Variants in KRTAP11-1 observed in about 807,000 individuals in gnomAD.
The protein encoded by KRTAP11-1 is keratin associated protein 11-1.
KRTAP11-1 carries 17 observed loss-of-function variants against 13.9 expected under a neutral mutation model. The ratio of observed to expected loss-of-function variants is 1.23; its 90% CI spans 0.84 to 1.84. KRTAP11-1 has a LOEUF of 1.84. Among genes scored for constraint, KRTAP11-1 ranks in the 40% most tolerant of loss-of-function variants. The probability of loss-of-function intolerance (pLI) is 0.00; values close to 1 mark genes in which losing one functional copy is unlikely to be tolerated. For missense variants in KRTAP11-1, 181 were observed against 200.9 expected (o/e 0.90, Z 0.60); for synonymous variants, 69 against 81.6 (o/e 0.85, Z 0.84).
At position 30,881,300 on chromosome 21, in the gene KRTAP11-1, T is replaced by C. The variant is rs764051034; in HGVS notation, c.225A>G (p.Ser75=). 1.9e-6 allele frequency: 3 copies of C among 1,614,084 alleles called. No individual in the cohort carries two copies. In the South Asian group the frequency reaches 3.3e-5, roughly 18 times the overall value. Residue 75 remains serine (S), a synonymous_variant, in exon 1 of 1, where the codon TCA becomes TCG. Transcript: ENST00000332378. ...TCACCTGGCAAGGGTTGGAGACACA[T>C]GAAGTTCGCCGGTAACAGGTTGGCT... ...ACQPTCYRRT[S]CVSNPCQVTC...
Position 30,881,351 on chromosome 21 carries a change from C to G in KRTAP11-1, c.174G>C (p.Glu58Asp). The change falls in exon 1 of 1, where the codon GAG becomes GAC. Residue 58 changes from glutamate to aspartate, a missense_variant. Glu to Asp is a conservative substitution (Grantham distance 45). Coordinates refer to ENST00000332378, the MANE Select transcript of KRTAP11-1 (RefSeq NM_175858.3). ...TGSWLLDHCQ[E>D]TCCEPTACQP... The stretch of plus-strand genomic sequence containing the variant: ...GGCAAGCAGTGGGCTCACAGCAGGT[C>G]TCTTGACAGTGGTCCAGGAGCCAAG... 3.7e-6 allele frequency: 6 copies of G among 1,614,122 alleles called. No homozygotes were observed. The highest frequency in any genetic ancestry group is 5.1e-6 in the Non-Finnish European group (6 of 1,180,006).
In KRTAP11-1 at chr21:30,880,959, A is replaced by C; in HGVS notation, c.*74T>G. Reference sequence around the variant, plus strand: ...AGCTATGAAGAGCTATTCAGGGACAAGCAGCATGCTGGAAGATCCTGGAAA... The same window carrying C: ...AGCTATGAAGAGCTATTCAGGGACACGCAGCATGCTGGAAGATCCTGGAAA... On this transcript the variant is annotated 3_prime_UTR_variant, in exon 1 of 1. Transcript: ENST00000332378. 6.5e-7 allele frequency: 1 copy of C among 1,545,092 alleles called. No homozygotes were observed. The highest frequency in any genetic ancestry group is 8.8e-7 in the Non-Finnish European group (1 of 1,141,954).
chr21:30,881,131 G>A lies in KRTAP11-1; in HGVS notation c.394C>T (p.Gln132Ter). 7 of 1,614,128 alleles carry A rather than the reference G, an allele frequency of 4.3e-6. No homozygotes were observed. The highest frequency in any genetic ancestry group is 5.9e-6 in the Non-Finnish European group (7 of 1,180,014). ...ACAGTAGAGACTCCTCCCACTGGTT[G>A]GCAGACAGTAGAGATGCCGCCCACT... ...QPVGGISTVCQPVGGVSTVCQ... is the reference protein window; with the variant it reads ...QPVGGISTVC The change falls in exon 1 of 1, where the codon CAA becomes TAA. Residue 132 changes from glutamine to a stop codon, truncating the protein, a stop_gained. Transcript: ENST00000332378. LOFTEE classifies it high-confidence loss of function.
Position 30,880,831 on chromosome 21 carries a change from C to A in KRTAP11-1, c.*202G>T, listed in dbSNP as rs1287303483. 3.2e-6 allele frequency: 2 copies of A among 621,460 alleles called. No homozygotes were observed. The highest frequency in any genetic ancestry group is 1.8e-5 in the African/African-American group (1 of 54,304). The allele number at this position is 621,460 out of a possible 1,614,324, so 38.5% of individuals were successfully genotyped here. On this transcript the variant is annotated 3_prime_UTR_variant, in exon 1 of 1. Transcript: ENST00000332378. ...CAGAGGCATACACAGCACCAGTGAG[C>A]AACCCTTAAAACAAGCTTAGGGCTG...
Position 30,881,263 on chromosome 21 carries a change from G to C in KRTAP11-1, c.262C>G (p.Gln88Glu). Residue 88 changes from glutamine to glutamate, a missense_variant, in exon 1 of 1, where the codon CAA becomes GAA. Coordinates refer to ENST00000332378, the MANE Select transcript of KRTAP11-1 (RefSeq NM_175858.3). ...CAGGGGTTGGAAATACAGGTAGTTT[G>C]TCGAGAGCAAGTCACCTGGCAAGGG... is the stretch of plus-strand genomic sequence containing the variant. The part of the protein sequence containing the change: ...SNPCQVTCSR[Q>E]TTCISNPCST... The C allele has an allele frequency of 6.2e-7, 1 of 1,614,176 alleles. No individual in the cohort carries two copies. Among genetic ancestry groups the C allele is most frequent in the Non-Finnish European group, 8.5e-7 (1 of 1,180,028 alleles).
In KRTAP11-1 at chr21:30,881,118, C is replaced by T; in HGVS notation, c.407G>A (p.Gly136Glu). 14 of 1,614,162 alleles carry T rather than the reference C, an allele frequency of 8.7e-6. No homozygotes were observed. The highest frequency in any genetic ancestry group is 1.2e-5 in the Non-Finnish European group (14 of 1,180,020). ...GISTVCQPVGGVSTVCQPACG... is the reference protein window; with the variant it reads ...GISTVCQPVGEVSTVCQPACG... Reference sequence around the variant, plus strand: ...GGCTGGCTGGCAGACAGTAGAGACTCCTCCCACTGGTTGGCAGACAGTAGA... The same window carrying T: ...GGCTGGCTGGCAGACAGTAGAGACTTCTCCCACTGGTTGGCAGACAGTAGA... Residue 136 changes from glycine to glutamate, a missense_variant, in exon 1 of 1, where the codon GGA (glycine) becomes GAA (glutamate). Physicochemically the swap from Gly to Glu is moderately conservative, Grantham distance 98. Transcript: ENST00000332378.
Position 30,880,982 on chromosome 21 carries a change from AAACAGCTGGC to A in KRTAP11-1, c.*41_*50del. 1.3e-6 allele frequency: 2 copies of A among 1,565,982 alleles called. No individual in the cohort carries two copies. Among genetic ancestry groups the A allele is most frequent in the East Asian group, 4.5e-5 (2 of 44,412 alleles). On this transcript the variant is annotated 3_prime_UTR_variant, in exon 1 of 1. Coordinates refer to ENST00000332378, the MANE Select transcript of KRTAP11-1 (RefSeq NM_175858.3). ...CAAGCAGCATGCTGGAAGATCCTGG[AAACAGCTGGC>A]AGGTCGTGGAGTCTTGATTCGCTCA...
Position 30,881,465 on chromosome 21 carries a change from A to T in KRTAP11-1, c.60T>A (p.Ile20=), listed in dbSNP as rs761563224. The change falls in exon 1 of 1, where the codon ATT becomes ATA. Residue 20 remains isoleucine (I), a synonymous_variant. Coordinates refer to ENST00000332378, the MANE Select transcript of KRTAP11-1 (RefSeq NM_175858.3). ...TCGTGGTAACTTGGGCCACTGGAAC[A>T]ATGCAGCGTCCTCCAATGGGCCTGG... ...CSSRPIGGRC[I]VPVAQVTTTS... The T allele has an allele frequency of 1.2e-5, 20 of 1,614,102 alleles. No individual in the cohort carries two copies. Among genetic ancestry groups the T allele is most frequent in the Admixed American group, 1.7e-5 (1 of 60,018 alleles).
At position 30,881,335 on chromosome 21, in the gene KRTAP11-1, T is replaced by A. The variant is rs778435221; in HGVS notation, c.190A>T (p.Thr64Ser). ...CGGTAACAGGTTGGCTGGCAAGCAG[T>A]GGGCTCACAGCAGGTCTCTTGACAG... ...DHCQETCCEP[T>S]ACQPTCYRRT... Residue 64 changes from threonine to serine, a missense_variant, in exon 1 of 1, where the codon ACT becomes TCT. Physicochemically the swap from Thr to Ser is moderately conservative, Grantham distance 58. Transcript: ENST00000332378. 14 of 1,613,990 alleles carry A rather than the reference T, an allele frequency of 8.7e-6. No homozygotes were observed. Among genetic ancestry groups the A allele is most frequent in the Middle Eastern group, 1.6e-4 (1 of 6,082 alleles).
chr21:30,881,554 G>C lies in KRTAP11-1; in HGVS notation c.-30C>G. The C allele has an allele frequency of 6.4e-7, 1 of 1,570,292 alleles. No individual in the cohort carries two copies. Among genetic ancestry groups the C allele is most frequent in the Non-Finnish European group, 8.6e-7 (1 of 1,159,852 alleles). On this transcript the variant is annotated 5_prime_UTR_variant, in exon 1 of 1. Transcript: ENST00000332378. ...TCAGACAGAGGGCTGCAGGTAGCTT[G>C]CTGAAGTTACCTCCTGAGTTGTGAA...
chr21:30,881,225 G>C lies in KRTAP11-1; in HGVS notation c.300C>G (p.Tyr100Ter), dbSNP rs370045274. 2 of 1,614,168 alleles carry C rather than the reference G, an allele frequency of 1.2e-6. No homozygotes were observed. Among genetic ancestry groups the C allele is most frequent in the African/African-American group, 1.3e-5 (1 of 75,038 alleles). ...TCISNPCSTT[Y>*]SRPLTFVSSG... The stretch of plus-strand genomic sequence containing the variant: ...TAGAGACAAAGGTGAGCGGCCGGCT[G>C]TAGGTAGTTGAGCAGGGGTTGGAAA... The change falls in exon 1 of 1, where the codon TAC becomes TAG. Residue 100 changes from tyrosine (Y) to a stop codon, truncating the protein, a stop_gained. Transcript: ENST00000332378. LOFTEE classifies it high-confidence loss of function.
chr21:30,881,509 A>T lies in KRTAP11-1; in HGVS notation c.16T>A (p.Ser6Thr), dbSNP rs1367995101. 6.2e-7 allele frequency: 1 copy of T among 1,609,672 alleles called. No homozygotes were observed. The highest frequency in any genetic ancestry group is 8.5e-7 in the Non-Finnish European group (1 of 1,178,058). ...GGCCTGGAAGAGCAATTTCTTGTGGAGCAGTTGAAGGACATGATGTCAGAC... is the reference window on the plus strand; with the variant it reads ...GGCCTGGAAGAGCAATTTCTTGTGGTGCAGTTGAAGGACATGATGTCAGAC... The part of the protein sequence containing the change: MSFNC[S>T]TRNCSSRPIG... The change falls in exon 1 of 1, where the codon TCC becomes ACC. Residue 6 changes from serine to threonine, a missense_variant. By Grantham distance (58) the Ser-to-Thr change is moderately conservative. Transcript: ENST00000332378.
At position 30,881,508 on chromosome 21, in the gene KRTAP11-1, G is replaced by C. The variant is rs148141061; in HGVS notation, c.17C>G (p.Ser6Cys). ...GGGCCTGGAAGAGCAATTTCTTGTG[G>C]AGCAGTTGAAGGACATGATGTCAGA... MSFNC[S>C]TRNCSSRPIG... Residue 6 changes from serine to cysteine, a missense_variant, in exon 1 of 1, where the codon TCC becomes TGC. Physicochemically the swap from Ser to Cys is moderately radical, Grantham distance 112. Transcript: ENST00000332378. 9.4e-5 allele frequency: 151 copies of C among 1,609,970 alleles called. No homozygotes were observed. Among genetic ancestry groups the C allele is most frequent in the Non-Finnish European group, 1.2e-4 (141 of 1,178,214 alleles).
At position 30,881,204 on chromosome 21, in the gene KRTAP11-1, G is replaced by A. The variant is rs756066923; in HGVS notation, c.321C>T (p.Val107=). 4 of 1,614,156 alleles carry A rather than the reference G, an allele frequency of 2.5e-6. No homozygotes were observed. Among genetic ancestry groups the A allele is most frequent in the Non-Finnish European group, 2.5e-6 (3 of 1,180,028 alleles). ...CTCCCAGGGGCTGACATCCACTAGA[G>A]ACAAAGGTGAGCGGCCGGCTGTAGG... ...STTYSRPLTF[V]SSGCQPLGGI... is the part of the protein sequence containing the mutation. Residue 107 remains valine, a synonymous_variant, in exon 1 of 1, where the codon GTC becomes GTT. Coordinates refer to ENST00000332378, the MANE Select transcript of KRTAP11-1 (RefSeq NM_175858.3).
In KRTAP11-1 at chr21:30,881,520, G is replaced by A. The variant is rs781718668; in HGVS notation, c.5C>T (p.Ser2Phe). 1 of 1,605,754 alleles carries A rather than the reference G, an allele frequency of 6.2e-7. No individual in the cohort carries two copies. Among genetic ancestry groups the A allele is most frequent in the Non-Finnish European group, 8.5e-7 (1 of 1,176,212 alleles). The stretch of plus-strand genomic sequence containing the variant: ...GCAATTTCTTGTGGAGCAGTTGAAG[G>A]ACATGATGTCAGACAGAGGGCTGCA... M[S>F]FNCSTRNCSS... The change falls in exon 1 of 1, where the codon TCC (serine) becomes TTC (phenylalanine). Residue 2 changes from serine (S) to phenylalanine (F), a missense_variant. Transcript: ENST00000332378.
Position 30,880,867 on chromosome 21 carries a change from T to A in KRTAP11-1, c.*166A>T. ...ACAAGCTTAGGGCTGGCCAGAAAAA[T>A]TTTAGAGTGCTAAAGACAGCGTGTG... On this transcript the variant is annotated 3_prime_UTR_variant, in exon 1 of 1. Coordinates refer to ENST00000332378, the MANE Select transcript of KRTAP11-1 (RefSeq NM_175858.3). 1.1e-6 allele frequency: 1 copy of A among 921,740 alleles called. No homozygotes were observed. The highest frequency in any genetic ancestry group is 1.7e-5 in the South Asian group (1 of 59,104). 57.1% of individuals were successfully genotyped at this position (921,740 alleles called of 1,614,324 possible). A position where few individuals can be genotyped will look rare whatever the true frequency, so the allele number is the denominator to read the frequency against.
Position 30,881,505 on chromosome 21 carries a change from G to A in KRTAP11-1, c.20C>T (p.Thr7Ile). The stretch of plus-strand genomic sequence containing the variant: ...AATGGGCCTGGAAGAGCAATTTCTT[G>A]TGGAGCAGTTGAAGGACATGATGTC... MSFNCS[T>I]RNCSSRPIGG... The change falls in exon 1 of 1, where the codon ACA becomes ATA. Residue 7 changes from threonine (T) to isoleucine (I), a missense_variant. Physicochemically the swap from Thr to Ile is moderately conservative, Grantham distance 89. Coordinates refer to ENST00000332378, the MANE Select transcript of KRTAP11-1 (RefSeq NM_175858.3). The A allele has an allele frequency of 6.2e-7, 1 of 1,611,030 alleles. No individual in the cohort carries two copies. Among genetic ancestry groups the A allele is most frequent in the Non-Finnish European group, 8.5e-7 (1 of 1,178,630 alleles).
chr21:30,881,452 G>T lies in KRTAP11-1; in HGVS notation c.73C>A (p.Gln25Lys). 2 of 1,614,084 alleles carry T rather than the reference G, an allele frequency of 1.2e-6. No homozygotes were observed. Among genetic ancestry groups the T allele is most frequent in the East Asian group, 2.2e-5 (1 of 44,854 alleles). ...TCAGTGGTGGAAGTCGTGGTAACTT[G>T]GGCCACTGGAACAATGCAGCGTCCT... ...IGGRCIVPVA[Q>K]VTTTSTTDAD... Residue 25 changes from glutamine (Q) to lysine (K), a missense_variant, in exon 1 of 1, where the codon CAA becomes AAA. Physicochemically the swap from Gln to Lys is moderately conservative, Grantham distance 53 (BLOSUM62 1). Transcript: ENST00000332378.
rs1223186356 is a variant in KRTAP11-1, at chr21:30,881,394, C to T, written c.131G>A (p.Ser44Asn). ...ADCLGGICLP[S>N]SFQTGSWLLD... ...GAGCCAAGAGCCAGTCTGGAAGGAA[C>T]TGGGCAAACAGATGCCGCCCAGGCA... is the stretch of plus-strand genomic sequence containing the variant. Residue 44 changes from serine to asparagine, a missense_variant, in exon 1 of 1, where the codon AGT (serine) becomes AAT (asparagine). By Grantham distance (46) the Ser-to-Asn change is conservative. Coordinates refer to ENST00000332378, the MANE Select transcript of KRTAP11-1 (RefSeq NM_175858.3). 1 of 1,614,178 alleles carries T rather than the reference C, an allele frequency of 6.2e-7. No homozygotes were observed. The highest frequency in any genetic ancestry group is 8.5e-7 in the Non-Finnish European group (1 of 1,180,026).
Sources: gnomAD v4.1 joint callset for allele counts on GRCh38, gnomAD v4.1.1 for gene constraint, MANE v1.5 for transcripts, NCBI Gene and HGNC (gene_info 2026-07-23, HGNC 2026-07-21) for gene names.